DNAJC10: variants seen among roughly 807,000 people sequenced by gnomAD.
DNAJC10 encodes DnaJ heat shock protein family (Hsp40) member C10.
In DNAJC10, 101 loss-of-function variants were observed where a neutral mutation model predicts 115.0. The observed-to-expected ratio is 0.88, with a 90% CI of 0.75 to 1.04. The LOEUF (loss-of-function observed/expected upper bound fraction) is 1.04, where lower values mean the gene tolerates loss of function less well. Ranked by LOEUF, DNAJC10 falls within the 50% of genes least tolerant of loss-of-function variation. The pLI, the probability that DNAJC10 is intolerant of heterozygous loss-of-function variation, is 0.00. For missense variants in DNAJC10, 981 were observed against 928.8 expected (o/e 1.06, Z -0.73); for synonymous variants, 307 against 301.5 (o/e 1.02, Z -0.19).
At chr2:182,722,665 G>A (rs1268525772) in intron 5 of DNAJC10, among the ~76,000 whole-genome samples, 7 of 152,070 alleles carry the variant, frequency 4.6e-5, no homozygotes, top group South Asian at 2.1e-4. Context: ...ACAGCCAGGC[G>A]CGGTGGCTCA....
chr2:182,735,326 A>G (rs1384423655), intron 10 of DNAJC10, among the ~76,000 whole-genome samples: 1 of 151,902 alleles, frequency 6.6e-6, no homozygotes, highest in Admixed American at 6.6e-5. Context: ...ATTCTAATCA[A>G]ATATGTTTTT....
intron 23 of DNAJC10, among the ~76,000 whole-genome samples, chr2:182,776,880 C>G (rs539350914): frequency 6.6e-6 from 1 of 152,198 alleles, no homozygotes; most frequent in South Asian, 2.1e-4. Context: ...ACCCAATATG[C>G]TTGAAATTAT....
At position 182,777,932 on chromosome 2, in the gene DNAJC10, A is replaced by G. The variant is rs562942733; in HGVS notation, c.*800A>G. 9 of 152,212 alleles carry G rather than the reference A, an allele frequency of 5.9e-5. No homozygotes were observed. Among genetic ancestry groups the G allele is most frequent in the Non-Finnish European group, 1.3e-4 (9 of 68,038 alleles). 9.4% of individuals were successfully genotyped at this position (152,212 alleles called of 1,614,324 possible). A position where few individuals can be genotyped will look rare whatever the true frequency, so the allele number is the denominator to read the frequency against. On this transcript the variant is annotated 3_prime_UTR_variant, in exon 24 of 24. Coordinates refer to ENST00000264065, the MANE Select transcript of DNAJC10 (RefSeq NM_018981.4). ...ATCCAGGAAAACCTGAGGGAAAAAA[A>G]TTATAGCAATTAACTGGGCATTGTA...
chr2:182,742,447 C>T (rs1480498696), intron 13 of DNAJC10, among the ~76,000 whole-genome samples: 1 of 152,224 alleles, frequency 6.6e-6, no homozygotes, highest in Non-Finnish European at 1.5e-5. Flanking sequence ...ACCTCAGCCT[C>T]CCAAAGTGCT....
chr2:182,720,118 G>A lies in DNAJC10; in HGVS notation c.316G>A (p.Asp106Asn), dbSNP rs141135661. 3.7e-6 allele frequency: 6 copies of A among 1,612,128 alleles called. No homozygotes were observed. The highest frequency in any genetic ancestry group is 2.7e-5 in the African/African-American group (2 of 74,828). The change falls in exon 4 of 24, where the codon GAT becomes AAT. Residue 106 changes from aspartate to asparagine, a missense_variant. Transcript: ENST00000264065. ...CAAATATGGAGAAAAGGGACTTGAGGATAATCAAGGTGGCCAGTATGAAAG... is the reference window on the plus strand; with the variant it reads ...CAAATATGGAGAAAAGGGACTTGAGAATAATCAAGGTGGCCAGTATGAAAG... Reference protein sequence around the residue: ...YDKYGEKGLEDNQGGQYESWN... With the variant: ...YDKYGEKGLENNQGGQYESWN...
chr2:182,763,402 T>C (rs956710211), intron 22 of DNAJC10, among the ~76,000 whole-genome samples: 17 of 152,108 alleles, frequency 1.1e-4, no homozygotes, highest in Non-Finnish European at 1.5e-5. Context: ...TCTCAGACAA[T>C]TCCAGCTGAA....
At chr2:182,754,710 A>G in intron 16 of DNAJC10, 1 of 1,093,580 alleles carries the variant, frequency 9.1e-7, no homozygotes, top group Non-Finnish European at 1.1e-6. Flanking sequence ...CAGGAGAGTA[A>G]AAAGGGACCA....
At chr2:182,723,352 G>A (rs963532890) in intron 5 of DNAJC10, among the ~76,000 whole-genome samples, 4 of 152,074 alleles carry the variant, frequency 2.6e-5, no homozygotes, top group African/African-American at 9.7e-5. Flanking sequence ...GGCCAAGGGT[G>A]GCATTTTAAT....
At chr2:182,717,597 GGT>G (rs1693026991) in intron 2 of DNAJC10, among the ~76,000 whole-genome samples, 1 of 152,210 alleles carries the variant, frequency 6.6e-6, no homozygotes, top group Non-Finnish European at 1.5e-5. Flanking sequence ...AAAAGGAAGA[GGT>G]ATTACAGGCA....
rs900182125 is a variant in DNAJC10 at position 182,731,019 on chromosome 2, T to A, written c.728-11T>A. 6 of 1,601,962 alleles carry A rather than the reference T, an allele frequency of 3.7e-6. No individual in the cohort carries two copies. Among genetic ancestry groups the A allele is most frequent in the African/African-American group, 1.3e-5 (1 of 74,216 alleles). On this transcript the variant is annotated splice_polypyrimidine_tract_variant and intron_variant, in intron 8 of 23. Transcript: ENST00000264065. ...GTGATCAGAATTTGCTTTTTTTCTT[T>A]TATTTTTAAGGAAATTTTGTCAACT...
rs1172316584 is a variant in DNAJC10 at position 182,794,052 on chromosome 2, C to T, written c.*16920C>T. ...TTTAGGTGGTTAGGTGATGAAACACCTCCTCCAAATGAAGGCATAAACAAC... is the reference window on the plus strand; with the variant it reads ...TTTAGGTGGTTAGGTGATGAAACACTTCCTCCAAATGAAGGCATAAACAAC... On this transcript the variant is annotated 3_prime_UTR_variant, in exon 24 of 24. Coordinates refer to ENST00000264065, the MANE Select transcript of DNAJC10 (RefSeq NM_018981.4). 1 of 152,010 alleles carries T rather than the reference C, an allele frequency of 6.6e-6. No individual in the cohort carries two copies. Among genetic ancestry groups the T allele is most frequent in the East Asian group, 1.9e-4 (1 of 5,182 alleles). 9.4% of individuals were successfully genotyped at this position (152,010 alleles called of 1,614,324 possible).
At chr2:182,732,622 C>G in intron 10 of DNAJC10, 80 bp downstream of exon 10, 1 of 1,393,892 alleles carries the variant, frequency 7.2e-7, no homozygotes, top group Non-Finnish European at 1.0e-6. Context: ...ATTTTCTTCC[C>G]TTATTTCTTG....
At chr2:182,718,898 G>A (rs1267351816) in intron 3 of DNAJC10, among the ~76,000 whole-genome samples, 1 of 151,646 alleles carries the variant, frequency 6.6e-6, no homozygotes, top group Non-Finnish European at 1.5e-5. Context: ...ATTTCTTAGT[G>A]AGATTTAGCG....
chr2:182,778,796 A>G lies in DNAJC10; in HGVS notation c.*1664A>G, dbSNP rs1403056351. The stretch of plus-strand genomic sequence containing the variant: ...AATGGCAAGAGCCTTTCATTCTCGA[A>G]TGTTTAAAGCCTAGGAGTTCTACAA... On this transcript the variant is annotated 3_prime_UTR_variant, in exon 24 of 24. Coordinates refer to ENST00000264065, the MANE Select transcript of DNAJC10 (RefSeq NM_018981.4). 2 of 152,226 alleles carry G rather than the reference A, an allele frequency of 1.3e-5. No individual in the cohort carries two copies. The highest frequency in any genetic ancestry group is 2.9e-5 in the Non-Finnish European group (2 of 68,054). The allele number at this position is 152,226 out of a possible 1,614,324, so 9.4% of individuals were successfully genotyped here.
chr2:182,734,549 G>C (rs1240073506), intron 10 of DNAJC10, among the ~76,000 whole-genome samples: 1 of 151,536 alleles, frequency 6.6e-6, no homozygotes, highest in East Asian at 1.9e-4. Flanking sequence ...GTAATTCACA[G>C]GTACACATTT....
intron 16 of DNAJC10, among the ~76,000 whole-genome samples, chr2:182,754,347 C>T (rs1053584688): frequency 6.6e-6 from 1 of 152,126 alleles, no homozygotes; most frequent in African/African-American, 2.4e-5. Flanking sequence ...AGTTCAGCTA[C>T]AGCAAATCCA....
chr2:182,727,844 T>C (rs1693330523), intron 5 of DNAJC10, among the ~76,000 whole-genome samples: 1 of 152,248 alleles, frequency 6.6e-6, no homozygotes, highest in South Asian at 2.1e-4. Context: ...CAATGTTAAA[T>C]TTTTTAAGTG....
chr2:182,763,352 G>A (rs764186720), intron 22 of DNAJC10, among the ~76,000 whole-genome samples: 1 of 151,976 alleles, frequency 6.6e-6, no homozygotes, highest in Non-Finnish European at 1.5e-5. Context: ...TATACTTTTT[G>A]TCCAGAGCTT....
rs1695096169 is a variant in DNAJC10, at chr2:182,793,847, C to CACACACACAT, written c.*16724_*16725insTACACACACA. The CACACACACAT allele has an allele frequency of 6.6e-6, 1 of 151,250 alleles. No homozygotes were observed. The allele number at this position is 151,250 out of a possible 1,614,324, so 9.4% of individuals were successfully genotyped here. A position where few individuals can be genotyped will look rare whatever the true frequency, so the allele number is the denominator to read the frequency against. ...ACACACACACACACACACACACACACACACACACACACACACACTACCTAC... is the reference window on the plus strand; with the variant it reads ...ACACACACACACACACACACACACACACACACACATACACACACACACACACACTACCTAC... On this transcript the variant is annotated 3_prime_UTR_variant, in exon 24 of 24. Coordinates refer to ENST00000264065, the MANE Select transcript of DNAJC10 (RefSeq NM_018981.4).
Sources: allele counts gnomAD v4.1 joint callset (sites outside exome capture counted in the v4.1 genomes callset), GRCh38; gene constraint gnomAD v4.1.1; transcripts MANE v1.5; gene names NCBI Gene and HGNC (gene_info 2026-07-23, HGNC 2026-07-21).